Variants in STX7 observed in about 807,000 individuals in gnomAD.
The protein encoded by STX7 is syntaxin 7.
STX7 carries 34 observed loss-of-function variants against 39.6 expected under a neutral mutation model. That is an observed-to-expected ratio of 0.86 (90% CI 0.65 to 1.14). STX7 has a LOEUF of 1.14. Ranked by LOEUF, STX7 falls within the 50% of genes most tolerant of loss-of-function variation. STX7 has a pLI of 0.00. For synonymous variants in STX7, 119 were observed against 99.1 expected, an observed-to-expected ratio of 1.20 and a Z score of -1.19; for missense variants, 284 against 310.4, an observed-to-expected ratio of 0.92 and a Z score of 0.64.
chr6:132,478,855 G>A (rs746914910), intron 2 of STX7, among the ~76,000 whole-genome samples: 9 of 152,168 alleles, frequency 5.9e-5, no homozygotes, highest in South Asian at 2.1e-4. Flanking sequence ...GGACATCAGC[G>A]AGCCTTCACA....
chr6:132,489,600 C>T (rs1045873890), intron 2 of STX7, among the ~76,000 whole-genome samples: 2 of 152,064 alleles, frequency 1.3e-5, no homozygotes, highest in African/African-American at 2.4e-5. Flanking sequence ...ACTGCAGAGA[C>T]GAGAAAGTGT....
intron 2 of STX7, among the ~76,000 whole-genome samples, chr6:132,479,443 C>T (rs899671814): frequency 6.6e-6 from 1 of 152,218 alleles, no homozygotes; most frequent in Non-Finnish European, 1.5e-5. Flanking sequence ...CCTTTTGAGA[C>T]TTGTTCTGGC....
In STX7 at chr6:132,453,114, GAC is replaced by G. The variant is rs373479521; in HGVS notation, c.*7642_*7643del. ...ACTCATTTTTGCTCAACTGATTTTT[GAC>G]AGAGGTGCAAAAACAATTCAATGGA... On this transcript the variant is annotated 3_prime_UTR_variant, in exon 10 of 10. Coordinates refer to ENST00000367941, the MANE Select transcript of STX7 (RefSeq NM_003569.3). The G allele has an allele frequency of 6.8e-4, 103 of 152,074 alleles. No individual in the cohort carries two copies. Among genetic ancestry groups the G allele is most frequent in the African/African-American group, 2.5e-3 (102 of 41,496 alleles). 9.4% of individuals were successfully genotyped at this position (152,074 alleles called of 1,614,324 possible). A position where few individuals can be genotyped will look rare whatever the true frequency, so the allele number is the denominator to read the frequency against.
chr6:132,474,980 G>A (rs537262853), intron 3 of STX7, among the ~76,000 whole-genome samples: 7 of 152,116 alleles, frequency 4.6e-5, no homozygotes, highest in South Asian at 2.1e-4. Context: ...TGGTGACTGC[G>A]GGGATTTTTA....
intron 2 of STX7, among the ~76,000 whole-genome samples, chr6:132,494,058 C>T (rs1021471817): frequency 1.3e-5 from 2 of 152,106 alleles, no homozygotes; most frequent in Non-Finnish European, 2.9e-5. Context: ...CACATGGTCA[C>T]CATGACACTT....
Position 132,448,835 on chromosome 6 carries a change from C to T in STX7, c.*11923G>A, listed in dbSNP as rs1471953233. 7.8e-5 allele frequency: 5 copies of T among 64,194 alleles called. No homozygotes were observed. Among genetic ancestry groups the T allele is most frequent in the Admixed American group, 2.5e-4 (1 of 4,040 alleles). 4.0% of individuals were successfully genotyped at this position (64,194 alleles called of 1,614,324 possible). On this transcript the variant is annotated 3_prime_UTR_variant, in exon 10 of 10. Coordinates refer to ENST00000367941, the MANE Select transcript of STX7 (RefSeq NM_003569.3). ...CATGGGTGACAGAGCAAGACTCTGT[C>T]TCAAAAAAAAAAAAAAAAAAAAAAG...
intron 5 of STX7, 28 bp from the exon 6 acceptor site, chr6:132,470,654 G>A (rs1582652059): frequency 6.3e-7 from 1 of 1,577,140 alleles, no homozygotes; most frequent in East Asian, 2.3e-5. Flanking sequence ...AGGATGGAAT[G>A]AGAAGGGGCA....
At chr6:132,506,631 A>G (rs1040774510) in intron 1 of STX7, among the ~76,000 whole-genome samples, 1 of 152,214 alleles carries the variant, frequency 6.6e-6, no homozygotes, top group African/African-American at 2.4e-5. Flanking sequence ...AAAAAAGTCA[A>G]ACAAGTACAG....
In STX7 at chr6:132,450,338, T is replaced by C. The variant is rs989646246; in HGVS notation, c.*10420A>G. 6.6e-6 allele frequency: 1 copy of C among 152,200 alleles called. No individual in the cohort carries two copies. Among genetic ancestry groups the C allele is most frequent in the Non-Finnish European group, 1.5e-5 (1 of 68,026 alleles). 9.4% of individuals were successfully genotyped at this position (152,200 alleles called of 1,614,324 possible). ...TCATATAAATTATTCATTTTCTGTT[T>C]TGTGATATATTGGCATAAAGTTGTT... On this transcript the variant is annotated 3_prime_UTR_variant, in exon 10 of 10. Coordinates refer to ENST00000367941, the MANE Select transcript of STX7 (RefSeq NM_003569.3).
rs1359380383 is a variant in STX7, at chr6:132,454,241, T to C, written c.*6517A>G. 6.7e-6 allele frequency: 1 copy of C among 150,208 alleles called. No individual in the cohort carries two copies. The highest frequency in any genetic ancestry group is 2.5e-5 in the African/African-American group (1 of 40,766). The allele number at this position is 150,208 out of a possible 1,614,324, so 9.3% of individuals were successfully genotyped here. On this transcript the variant is annotated 3_prime_UTR_variant, in exon 10 of 10. Coordinates refer to ENST00000367941, the MANE Select transcript of STX7 (RefSeq NM_003569.3). ...ATTGAAATGAAAAAAAAAAAAACTA[T>C]AAAAATGGAGAACAGATTATGGTTG...
At chr6:132,463,897 T>C (rs987831901) in intron 9 of STX7, 96 bp downstream of exon 9, 1 of 1,185,390 alleles carries the variant, frequency 8.4e-7, no homozygotes, top group Non-Finnish European at 1.3e-6. Flanking sequence ...TCTTCAGCCA[T>C]TTTAAACCTA....
At position 132,458,180 on chromosome 6, in the gene STX7, T is replaced by C. The variant is rs1774294579; in HGVS notation, c.*2578A>G. 6.6e-6 allele frequency: 1 copy of C among 152,226 alleles called. No individual in the cohort carries two copies. Among genetic ancestry groups the C allele is most frequent in the East Asian group, 1.9e-4 (1 of 5,196 alleles). 9.4% of individuals were successfully genotyped at this position (152,226 alleles called of 1,614,324 possible). On this transcript the variant is annotated 3_prime_UTR_variant, in exon 10 of 10. Transcript: ENST00000367941. The stretch of plus-strand genomic sequence containing the variant: ...GCAGTGAAGACACTAAATAACCCAG[T>C]GGCGACCTCTTCAAAGTGCAGTGTC...
intron 2 of STX7, among the ~76,000 whole-genome samples, chr6:132,502,360 G>A (rs747482401): frequency 3.3e-5 from 5 of 152,068 alleles, no homozygotes; most frequent in Admixed American, 6.5e-5. Flanking sequence ...AACATACTCC[G>A]AAGGATGAAA....
At chr6:132,468,228 G>A (rs1038855140) in intron 8 of STX7, among the ~76,000 whole-genome samples, 175 bp downstream of exon 8, 3 of 152,166 alleles carry the variant, frequency 2.0e-5, no homozygotes, top group African/African-American at 7.2e-5. Context: ...TTAAAAATGA[G>A]ATCTGTTTTA....
intron 2 of STX7, among the ~76,000 whole-genome samples, chr6:132,491,068 T>G (rs1402836387): frequency 1.3e-5 from 2 of 149,298 alleles, no homozygotes; most frequent in African/African-American, 5.0e-5. Context: ...CACTTCCCTC[T>G]CCCTCCACAG....
chr6:132,481,163 T>C (rs1166854965), intron 2 of STX7, among the ~76,000 whole-genome samples: 1 of 152,180 alleles, frequency 6.6e-6, no homozygotes, highest in African/African-American at 2.4e-5. Context: ...CTTTTGTTTT[T>C]AAGCTTAGGT....
intron 2 of STX7, among the ~76,000 whole-genome samples, chr6:132,478,259 A>C (rs541765537): frequency 2.8e-4 from 42 of 152,204 alleles, no homozygotes; most frequent in Non-Finnish European, 4.9e-4. Context: ...TAGCAAAAAA[A>C]GGACCGAAAT....
chr6:132,499,065 T>A (rs949669613), intron 2 of STX7, among the ~76,000 whole-genome samples: 6 of 152,222 alleles, frequency 3.9e-5, no homozygotes, highest in African/African-American at 1.4e-4. Context: ...CCACCATGTT[T>A]CCATCTGTAC....
At chr6:132,479,929 C>T (rs1328760449) in intron 2 of STX7, among the ~76,000 whole-genome samples, 2 of 152,116 alleles carry the variant, frequency 1.3e-5, no homozygotes, top group Non-Finnish European at 2.9e-5. Flanking sequence ...AAAAAGTAAA[C>T]TAGTGATGTG....
Sources: allele counts gnomAD v4.1 joint callset (sites outside exome capture counted in the v4.1 genomes callset), GRCh38; gene constraint gnomAD v4.1.1; transcripts MANE v1.5; gene names NCBI Gene and HGNC (gene_info 2026-07-23, HGNC 2026-07-21).